The following HIVEP3 variants were observed in gnomAD, a reference collection of about 807,000 sequenced individuals.
HIVEP3 encodes the protein HIVEP zinc finger 3, also known as transcription factor HIVEP3.
A neutral mutation model predicts 152.8 loss-of-function variants in HIVEP3; 49 were observed. The ratio of observed to expected loss-of-function variants is 0.32; its 90% CI spans 0.26 to 0.41. The LOEUF (loss-of-function observed/expected upper bound fraction) is 0.41. HIVEP3 is among the 10% of genes least tolerant of loss of function. The pLI is 1.00. For synonymous variants in HIVEP3, 1,269 were observed against 1,289.0 expected (o/e 0.98, Z 0.33); for missense variants, 2,790 against 3,103.3 (o/e 0.90, Z 2.40).
chr1:41,581,824 C>A lies in HIVEP3; in HGVS notation c.2974G>T (p.Ala992Ser). Residue 992 changes from alanine to serine, a missense_variant, in exon 4 of 9, where the codon GCC (alanine) becomes TCC (serine). Physicochemically the swap from Ala to Ser is moderately conservative, Grantham distance 99. Transcript: ENST00000372583. This position sits in a 1 kb window ranked among gnomAD's most constrained non-coding sequence, Gnocchi z 4.5. ...GAAACGTTGGGGCTCTGCTCTGAGG[C>A]TGACCTCCGCATCTCTCGGGCATGT... ...HPHAREMRRSASEQSPNVSHS... is the reference protein window; with the variant it reads ...HPHAREMRRSSSEQSPNVSHS... 1 of 1,591,512 alleles carries A rather than the reference C, an allele frequency of 6.3e-7. No individual in the cohort carries two copies. The highest frequency in any genetic ancestry group is 1.2e-5 in the South Asian group (1 of 86,460).
At chr1:41,865,389 C>G (rs1643950812) in intron 1 of HIVEP3, among the ~76,000 whole-genome samples, 1 of 152,206 alleles carries the variant, frequency 6.6e-6, no homozygotes, top group Admixed American at 6.5e-5. Context: ...GGGGCTGAAT[C>G]CATGAATCCT....
At chr1:41,785,784 G>C (rs1165594002) in intron 1 of HIVEP3, among the ~76,000 whole-genome samples, 1 of 152,196 alleles carries the variant, frequency 6.6e-6, no homozygotes, top group South Asian at 2.1e-4. Context: ...ATCACCTGAG[G>C]TCAGGAGTTC....
chr1:41,746,158 G>A (rs1647068100), intron 1 of HIVEP3, among the ~76,000 whole-genome samples: 1 of 152,172 alleles, frequency 6.6e-6, no homozygotes, highest in African/African-American at 2.4e-5. Flanking sequence ...GGCTAATGCA[G>A]TAAAAAGAGC....
intron 3 of HIVEP3, among the ~76,000 whole-genome samples, chr1:41,623,828 G>A (rs955644583): frequency 3.9e-5 from 6 of 152,090 alleles, no homozygotes; most frequent in African/African-American, 9.7e-5. Context: ...CTGGCCCCTC[G>A]GGTATCCTTT....
At chr1:41,930,382 C>T (rs1203187206) in intron 1 of HIVEP3, among the ~76,000 whole-genome samples, 1 of 152,102 alleles carries the variant, frequency 6.6e-6, no homozygotes, top group Non-Finnish European at 1.5e-5. Flanking sequence ...AAAATATGAA[C>T]TTTTTGGGTC....
chr1:41,862,750 G>A (rs1019809595), intron 1 of HIVEP3, among the ~76,000 whole-genome samples: 1 of 152,194 alleles, frequency 6.6e-6, no homozygotes, highest in African/African-American at 2.4e-5. Flanking sequence ...TTGGAGGGCA[G>A]GTCAGAGACT....
intron 1 of HIVEP3, among the ~76,000 whole-genome samples, chr1:41,736,846 G>T (rs1229597808): frequency 6.6e-6 from 1 of 152,188 alleles, no homozygotes; most frequent in Non-Finnish European, 1.5e-5. Flanking sequence ...GAGGGATGTG[G>T]CCTGAAGGAA....
intron 1 of HIVEP3, among the ~76,000 whole-genome samples, chr1:41,992,638 G>C (rs1645369870): frequency 7.5e-6 from 1 of 133,274 alleles, no homozygotes; most frequent in Admixed American, 7.8e-5. Flanking sequence ...CACAGAATTG[G>C]AAAAAACTAC....
chr1:41,950,853 G>T (rs897217379), intron 1 of HIVEP3, among the ~76,000 whole-genome samples: 1 of 152,156 alleles, frequency 6.6e-6, no homozygotes. Context: ...TTGAGTTGCT[G>T]TTACAGAAAA....
At chr1:41,712,379 C>G (rs941008841) in intron 1 of HIVEP3, among the ~76,000 whole-genome samples, 3 of 152,218 alleles carry the variant, frequency 2.0e-5, no homozygotes, top group Non-Finnish European at 2.9e-5. Flanking sequence ...TGGACGAAGG[C>G]CAGGCCCTGC....
chr1:41,962,288 C>T (rs1645173630), intron 1 of HIVEP3, among the ~76,000 whole-genome samples: 1 of 152,210 alleles, frequency 6.6e-6, no homozygotes, highest in Admixed American at 6.5e-5. Flanking sequence ...AAACCTCAAA[C>T]CAGAGCTTAC....
intron 1 of HIVEP3, among the ~76,000 whole-genome samples, chr1:41,934,239 T>C (rs1039681723): frequency 9.2e-5 from 14 of 152,160 alleles, no homozygotes; most frequent in African/African-American, 3.4e-4. Context: ...CTCCTTTTAT[T>C]TATTATCCCT....
intron 1 of HIVEP3, among the ~76,000 whole-genome samples, chr1:41,737,617 C>T (rs1461860463): frequency 2.0e-5 from 3 of 152,176 alleles, no homozygotes; most frequent in African/African-American, 7.2e-5. Context: ...CCTTAGCATC[C>T]TTGGTTTACA....
Position 41,796,364 on chromosome 1 carries a change from G to C in HIVEP3, c.-800-95369C>G, listed in dbSNP as rs564518184. On this transcript the variant is annotated intron_variant, in intron 1 of 8. Coordinates refer to ENST00000372583, the MANE Select transcript of HIVEP3 (RefSeq NM_024503.5). Reference sequence around the variant, plus strand: ...CTCCAGCTCTGTTCCTCTGGGCCTGGAGAAAGCAACAGAGGACAGAGAACT... The same window carrying C: ...CTCCAGCTCTGTTCCTCTGGGCCTGCAGAAAGCAACAGAGGACAGAGAACT... Among the ~76,000 whole-genome samples the C allele has an allele frequency of 8.5e-5, 13 of 152,360 alleles. No homozygotes were observed. In the South Asian group the frequency reaches 2.7e-3, roughly 32 times the overall value.
intron 5 of HIVEP3, among the ~76,000 whole-genome samples, chr1:41,530,001 T>A (rs989601160): frequency 3.4e-4 from 40 of 118,534 alleles, no homozygotes; most frequent in South Asian, 3.0e-4. Flanking sequence ...CACCACACAC[T>A]TAGACTCATT....
At chr1:41,548,648 G>A (rs1643862893) in intron 5 of HIVEP3, among the ~76,000 whole-genome samples, 1 of 151,768 alleles carries the variant, frequency 6.6e-6, no homozygotes, top group African/African-American at 2.4e-5. Context: ...TGATTCTCCT[G>A]CCTCAGCCTC....
chr1:41,511,003 A>C lies in HIVEP3; in HGVS notation c.6669T>G (p.Ser2223Arg). ...GGTCGCTGCCACCCCCGGAGAAGCCACTGACCCAGGCTGCGGTGGGCCCTG... is the reference window on the plus strand; with the variant it reads ...GGTCGCTGCCACCCCCGGAGAAGCCCCTGACCCAGGCTGCGGTGGGCCCTG... ...LLPGPTAAWV[S>R]GFSGGGSDLT... The change falls in exon 9 of 9, where the codon AGT becomes AGG. Residue 2223 changes from serine (S) to arginine (R), a missense_variant. Around this residue, in one of 9 missense-constraint regions of HIVEP3, gnomAD observed 816 missense variants for 806.5 expected, o/e 1.01. Coordinates refer to ENST00000372583, the MANE Select transcript of HIVEP3 (RefSeq NM_024503.5). The surrounding 1 kb of genome is among the most constrained non-coding windows in gnomAD (Gnocchi z 4.9). The C allele has an allele frequency of 6.2e-7, 1 of 1,613,458 alleles. No homozygotes were observed. The highest frequency in any genetic ancestry group is 8.5e-7 in the Non-Finnish European group (1 of 1,179,758).
At chr1:41,798,999 A>G (rs1042780606) in intron 1 of HIVEP3, among the ~76,000 whole-genome samples, 24 of 152,228 alleles carry the variant, frequency 1.6e-4, no homozygotes, top group Non-Finnish European at 2.9e-4. Context: ...CACCTGGAGC[A>G]TCACTTCAGC....
At chr1:41,651,160 A>G (rs1412172110) in intron 2 of HIVEP3, among the ~76,000 whole-genome samples, 1 of 152,168 alleles carries the variant, frequency 6.6e-6, no homozygotes, top group Non-Finnish European at 1.5e-5. Context: ...CTGTAATCCC[A>G]GCACTTTGGG....
Sources: gnomAD v4.1 joint callset for allele counts (sites outside exome capture counted in the v4.1 genomes callset) on GRCh38, gnomAD v4.1.1 for gene constraint, gnomAD v4.1.1 regional missense constraint, Gnocchi (gnomAD v3.1) non-coding constraint, MANE v1.5 for transcripts, NCBI Gene and HGNC (gene_info 2026-07-23, HGNC 2026-07-21) for gene names.